Variants in TFDP1 observed in about 807,000 individuals in gnomAD.
TFDP1 encodes the protein DRTF1-polypeptide 1.
In TFDP1, 6 loss-of-function variants were observed where a neutral mutation model predicts 48.0. The ratio of observed to expected loss-of-function variants is 0.13; its 90% confidence interval spans 0.07 to 0.25. The LOEUF is 0.25. Ranked by LOEUF, TFDP1 falls within the 10% of genes least tolerant of loss-of-function variation. The pLI is 1.00. For synonymous variants in TFDP1, 201 were observed against 211.6 expected (o/e 0.95, Z 0.44); for missense variants, 335 against 543.0 (o/e 0.62, Z 3.81).
At chr13:113,629,140 CAGTG>C (rs2049267395) in intron 4 of TFDP1, among the ~76,000 whole-genome samples, 1 of 152,214 alleles carries the variant, frequency 6.6e-6, no homozygotes, top group African/African-American at 2.4e-5. Flanking sequence ...TGCGGAGACA[CAGTG>C]AGGGGAGCTG....
intron 2 of TFDP1, among the ~76,000 whole-genome samples, chr13:113,591,024 A>G (rs1349694667): frequency 2.0e-5 from 3 of 148,956 alleles, no homozygotes; most frequent in Non-Finnish European, 3.0e-5. Flanking sequence ...AAAAAAAAAA[A>G]AAAAAAGAAA....
intron 10 of TFDP1, 96 bp downstream of exon 10, chr13:113,636,796 G>A (rs1240213742): frequency 2.1e-6 from 3 of 1,427,358 alleles, no homozygotes; most frequent in Non-Finnish European, 2.8e-6. Context: ...GTGTCTTGCT[G>A]AGATCAGGCC....
chr13:113,606,252 A>G (rs1227730501), intron 2 of TFDP1, among the ~76,000 whole-genome samples: 1 of 152,088 alleles, frequency 6.6e-6, no homozygotes, highest in Non-Finnish European at 1.5e-5. Flanking sequence ...GAGTGTCCGC[A>G]GGGGAGCCTG....
chr13:113,616,826 T>G (rs1465246063), intron 3 of TFDP1, among the ~76,000 whole-genome samples: 3 of 152,178 alleles, frequency 2.0e-5, no homozygotes, highest in Non-Finnish European at 4.4e-5. Context: ...GGTATAAGTT[T>G]TGGTTGGCCT....
At chr13:113,600,095 T>TGC (rs2140326961) in intron 2 of TFDP1, among the ~76,000 whole-genome samples, 1 of 141,906 alleles carries the variant, frequency 7.0e-6, no homozygotes, top group East Asian at 2.3e-4. Flanking sequence ...TCCAGGACCA[T>TGC]GAGAGAGAAC....
At chr13:113,625,294 GGTGTCTCTCACGTGTCCTCAC>G (rs1306876848) in intron 4 of TFDP1, among the ~76,000 whole-genome samples, 3,658 of 121,130 alleles carry the variant, frequency 0.03, 5 homozygotes, top group African/African-American at 0.047. Context: ...CGTGTCCTCA[GGTGTCTCTCACGTGTCCTCAC>G]GTGTTTCTCA....
intron 10 of TFDP1, among the ~76,000 whole-genome samples, chr13:113,637,453 G>A (rs750932913): frequency 2.6e-5 from 4 of 152,224 alleles, no homozygotes; most frequent in Non-Finnish European, 5.9e-5. Flanking sequence ...CCTCTGTCCC[G>A]TGCTTCATGG....
At chr13:113,637,132 G>A (rs538009243) in intron 10 of TFDP1, 30 of 177,946 alleles carry the variant, frequency 1.7e-4, no homozygotes, top group African/African-American at 6.0e-4. Flanking sequence ...GTCCTGCTCC[G>A]GAGGGCCGGG....
chr13:113,611,292 T>C (rs2048702871), intron 3 of TFDP1, among the ~76,000 whole-genome samples: 1 of 152,260 alleles, frequency 6.6e-6, no homozygotes, highest in African/African-American at 2.4e-5. Flanking sequence ...GTATGTATAC[T>C]ATTTGCAAAA....
In TFDP1 at chr13:113,587,482, C is replaced by CTT. The variant is rs34556944; in HGVS notation, c.12+1652_12+1653dup. The stretch of plus-strand genomic sequence containing the variant: ...AAGGAATTTGATGTTTTCGCTAGCT[C>CTT]TTTTTTTTTTTTTTTTTTTTGAGAC... On this transcript the variant is annotated intron_variant, in intron 2 of 11. Transcript: ENST00000375370. Among the ~76,000 whole-genome samples the CTT allele has an allele frequency of 5.7e-3, 714 of 125,452 alleles. 25 individuals are homozygous for CTT. The East Asian group carries it at 0.077, about 13-fold the overall frequency. The allele number at this position is 125,452 out of a possible 152,430, so 82.3% of individuals were successfully genotyped here.
chr13:113,638,031 T>TG (rs988138889), intron 11 of TFDP1, 135 bp downstream of exon 11: 15 of 1,189,006 alleles, frequency 1.3e-5, no homozygotes, highest in African/African-American at 4.6e-5. Flanking sequence ...GTCCAGGCAG[T>TG]GGGGCCCCGC....
At chr13:113,615,325 CTTACTCATA>C (rs1236258454) in intron 3 of TFDP1, among the ~76,000 whole-genome samples, 1 of 152,216 alleles carries the variant, frequency 6.6e-6, no homozygotes, top group Non-Finnish European at 1.5e-5. Context: ...CAGGTGGGCT[CTTACTCATA>C]TCATGCCTAC....
chr13:113,593,092 C>T (rs1222450329), intron 2 of TFDP1, among the ~76,000 whole-genome samples: 5 of 145,268 alleles, frequency 3.4e-5, no homozygotes, highest in African/African-American at 1.0e-4. Context: ...GGTCCTCAGC[C>T]CTGCCCAGGT....
Position 113,640,180 on chromosome 13 carries a change from C to T in TFDP1, c.1146C>T (p.Ser382=), listed in dbSNP as rs375741872. ...LATSSNGSQY[S]GSRVETPVSY... ...CAAGCTCCAATGGGTCTCAGTACAG[C>T]GGCTCCAGGGTGGAGACTCCGGTGT... The change falls in exon 12 of 12, where the codon AGC becomes AGT. Residue 382 remains serine, a synonymous_variant. Transcript: ENST00000375370. 29 of 1,613,274 alleles carry T rather than the reference C, an allele frequency of 1.8e-5. No individual in the cohort carries two copies. Among genetic ancestry groups the T allele is most frequent in the South Asian group, 1.8e-4 (16 of 90,862 alleles).
intron 11 of TFDP1, among the ~76,000 whole-genome samples, chr13:113,638,640 A>G (rs1428761814): frequency 6.6e-6 from 1 of 152,228 alleles, no homozygotes; most frequent in African/African-American, 2.4e-5. Context: ...ATGAATATAT[A>G]TTGTTTCTAT....
chr13:113,636,627 G>C lies in TFDP1; in HGVS notation c.933G>C (p.Ser311=). The part of the protein sequence containing the change: ...KRMGMACGLE[S]GSCSAEDLKM... ...TGGGCATGGCTTGCGGGCTGGAGTC[G>C]GGGAGCTGCTCTGCCGAAGACCTTA... The change falls in exon 10 of 12, where the codon TCG becomes TCC. Residue 311 remains serine (S), a synonymous_variant. Transcript: ENST00000375370. 1 of 1,613,782 alleles carries C rather than the reference G, an allele frequency of 6.2e-7. No individual in the cohort carries two copies. Among genetic ancestry groups the C allele is most frequent in the Non-Finnish European group, 8.5e-7 (1 of 1,180,036 alleles).
intron 4 of TFDP1, among the ~76,000 whole-genome samples, chr13:113,630,154 A>AGC (rs933237939): frequency 5.8e-5 from 6 of 103,720 alleles, no homozygotes; most frequent in Admixed American, 3.1e-4. Flanking sequence ...GTGCCCCAGC[A>AGC]GCACACACAC....
chr13:113,634,372 C>G (rs540758514), intron 7 of TFDP1, 162 bp from the exon 8 acceptor site: 1 of 672,590 alleles, frequency 1.5e-6, no homozygotes, highest in East Asian at 2.6e-5. Context: ...AAAAACTCAC[C>G]TATATCTTGT....
intron 4 of TFDP1, among the ~76,000 whole-genome samples, chr13:113,626,083 T>C (rs1462576716): frequency 6.6e-6 from 1 of 150,564 alleles, no homozygotes; most frequent in Non-Finnish European, 1.5e-5. Flanking sequence ...CTCTCACGTG[T>C]CCTCAGGTGT....
Sources: gnomAD v4.1 joint callset for allele counts (sites outside exome capture counted in the v4.1 genomes callset) on GRCh38, gnomAD v4.1.1 for gene constraint, MANE v1.5 for transcripts, NCBI Gene and HGNC (gene_info 2026-07-23, HGNC 2026-07-21) for gene names.